Variants in FZD3 observed in about 807,000 individuals in gnomAD.
FZD3 encodes the protein frizzled-3.
In FZD3, 30 loss-of-function variants were observed where a neutral mutation model predicts 60.7. That is an observed-to-expected ratio of 0.49 (90% confidence interval 0.37 to 0.67). FZD3 has a LOEUF of 0.67. Ranked by LOEUF, FZD3 falls within the 30% of genes least tolerant of loss-of-function variation. The probability of loss-of-function intolerance (pLI) is 0.00; values close to 1 mark genes in which losing one functional copy is unlikely to be tolerated. For missense variants in FZD3, 605 were observed against 838.7 expected, an observed-to-expected ratio of 0.72 and a Z score of 3.44; for synonymous variants, 246 against 275.2, an observed-to-expected ratio of 0.89 and a Z score of 1.05.
intron 5 of FZD3, among the ~76,000 whole-genome samples, chr8:28,550,421 G>T (rs1328528980): frequency 8.6e-6 from 1 of 116,146 alleles, no homozygotes; most frequent in African/African-American, 3.3e-5. Flanking sequence ...ACCAACTTTG[G>T]GTTATTAGTT....
At chr8:28,553,856 TA>T (rs1360546324) in intron 6 of FZD3, among the ~76,000 whole-genome samples, 1 of 152,250 alleles carries the variant, frequency 6.6e-6, no homozygotes, top group African/African-American at 2.4e-5. Flanking sequence ...GCACATTTAA[TA>T]CTCAAAGCAC....
At chr8:28,555,714 T>G in intron 6 of FZD3, 24 bp from the exon 7 acceptor site, 1 of 1,332,182 alleles carries the variant, frequency 7.5e-7, no homozygotes, top group Non-Finnish European at 1.1e-6. Flanking sequence ...GTATGTATCT[T>G]AAACTTACTA....
intron 5 of FZD3, among the ~76,000 whole-genome samples, chr8:28,551,360 A>G (rs575055627): frequency 3.4e-4 from 52 of 152,302 alleles, no homozygotes; most frequent in African/African-American, 1.1e-3. Context: ...CTAAAAATAC[A>G]AAAATTACCT....
At chr8:28,557,169 A>G (rs1439770444) in intron 7 of FZD3, among the ~76,000 whole-genome samples, 1 of 150,062 alleles carries the variant, frequency 6.7e-6, no homozygotes, top group East Asian at 2.0e-4. Flanking sequence ...ACATCGTGCC[A>G]CTGCACTCCA....
intron 5 of FZD3, among the ~76,000 whole-genome samples, chr8:28,547,912 G>A (rs1447669190): frequency 1.3e-5 from 2 of 151,488 alleles, no homozygotes; most frequent in African/African-American, 2.4e-5. Context: ...GAGTGCAGTG[G>A]CATGATCTCA....
intron 5 of FZD3, among the ~76,000 whole-genome samples, chr8:28,530,187 G>A (rs183332789): frequency 3.6e-4 from 54 of 148,670 alleles, no homozygotes; most frequent in African/African-American, 1.1e-3. Context: ...TTCAACATAC[G>A]GAAATGAATA....
rs567175734 is a variant in FZD3 at position 28,567,341 on chromosome 8, A to G, written c.*4330A>G. ...GCTAGTTTTTGTATTTTTAGTGGAG[A>G]TGGAGTTTTGCCATGTTGGTCTCAA... is the stretch of plus-strand genomic sequence containing the variant. On this transcript the variant is annotated 3_prime_UTR_variant, in exon 8 of 8. Coordinates refer to ENST00000240093, the MANE Select transcript of FZD3 (RefSeq NM_017412.4). 1 of 152,396 alleles carries G rather than the reference A, an allele frequency of 6.6e-6. No individual in the cohort carries two copies. Among genetic ancestry groups the G allele is most frequent in the South Asian group, 2.1e-4 (1 of 4,822 alleles). The allele number at this position is 152,396 out of a possible 1,614,324, so 9.4% of individuals were successfully genotyped here.
At chr8:28,499,368 A>G (rs1157230527) in intron 1 of FZD3, among the ~76,000 whole-genome samples, 2 of 152,172 alleles carry the variant, frequency 1.3e-5, no homozygotes, top group African/African-American at 2.4e-5. Flanking sequence ...TTTAGTAACT[A>G]TATAATATTC....
intron 5 of FZD3, among the ~76,000 whole-genome samples, chr8:28,528,445 C>T (rs1191380172): frequency 5.3e-5 from 8 of 150,352 alleles, no homozygotes; most frequent in South Asian, 2.1e-4. Flanking sequence ...TGTGCAGTTT[C>T]GTGGGGGAGA....
intron 3 of FZD3, among the ~76,000 whole-genome samples, chr8:28,520,406 A>G (rs1424388058): frequency 6.6e-6 from 1 of 152,080 alleles, no homozygotes; most frequent in Non-Finnish European, 1.5e-5. Flanking sequence ...ATCACCTGTA[A>G]TACCTAAACT....
intron 4 of FZD3, among the ~76,000 whole-genome samples, chr8:28,523,789 A>G (rs569976597): frequency 1.3e-5 from 2 of 152,080 alleles, no homozygotes; most frequent in Non-Finnish European, 2.9e-5. Flanking sequence ...CCCAAAGTTC[A>G]TGTATTGGAA....
At chr8:28,556,359 T>A (rs966754568) in intron 7 of FZD3, among the ~76,000 whole-genome samples, 5 of 152,170 alleles carry the variant, frequency 3.3e-5, no homozygotes, top group Admixed American at 6.5e-5. Flanking sequence ...GATAGTGTAG[T>A]CAGTTTGTGG....
At chr8:28,495,287 C>T (rs1350460217) in intron 1 of FZD3, among the ~76,000 whole-genome samples, 1 of 152,096 alleles carries the variant, frequency 6.6e-6, no homozygotes, top group Non-Finnish European at 1.5e-5. Flanking sequence ...GAAGGAGGTC[C>T]GGCGGTTTGC....
At chr8:28,550,279 A>C (rs1025120735) in intron 5 of FZD3, among the ~76,000 whole-genome samples, 4 of 151,804 alleles carry the variant, frequency 2.6e-5, no homozygotes, top group African/African-American at 9.7e-5. Flanking sequence ...GTCTATTTGC[A>C]TGGAATTGAG....
In FZD3 at chr8:28,565,268, C is replaced by G. The variant is rs1805686891; in HGVS notation, c.*2257C>G. 1 of 152,158 alleles carries G rather than the reference C, an allele frequency of 6.6e-6. No individual in the cohort carries two copies. The highest frequency in any genetic ancestry group is 2.4e-5 in the African/African-American group (1 of 41,442). The allele number at this position is 152,158 out of a possible 1,614,324, so 9.4% of individuals were successfully genotyped here. On this transcript the variant is annotated 3_prime_UTR_variant, in exon 8 of 8. Transcript: ENST00000240093. The stretch of plus-strand genomic sequence containing the variant: ...TTTCTCTGTGTTCATTGCCTTTCTC[C>G]TTGGAGCTGGAGTTAATGCTCAAAG...
chr8:28,519,604 C>T (rs1804519286), intron 3 of FZD3, among the ~76,000 whole-genome samples: 1 of 151,788 alleles, frequency 6.6e-6, no homozygotes, highest in African/African-American at 2.4e-5. Flanking sequence ...GTGGTGCGTG[C>T]CTGTAGTCCC....
At chr8:28,553,180 T>C (rs545927271) in intron 6 of FZD3, among the ~76,000 whole-genome samples, 1 of 152,204 alleles carries the variant, frequency 6.6e-6, no homozygotes, top group Non-Finnish European at 1.5e-5. Context: ...CCTTTAAATA[T>C]AATTTTGTAG....
chr8:28,551,102 AGAT>A (rs1805402143), intron 5 of FZD3, among the ~76,000 whole-genome samples: 1 of 152,244 alleles, frequency 6.6e-6, no homozygotes, highest in African/African-American at 2.4e-5. Context: ...ATAGATAGAT[AGAT>A]ATGGCTCAAT....
chr8:28,527,777 C>G lies in FZD3; in HGVS notation c.1017C>G (p.Pro339=), dbSNP rs17059195. Residue 339 remains proline, a synonymous_variant, in exon 5 of 8, where the codon CCC becomes CCG. Coordinates refer to ENST00000240093, the MANE Select transcript of FZD3 (RefSeq NM_017412.4). The surrounding 1 kb of genome is among the most constrained non-coding windows in gnomAD (Gnocchi z 5.0). ...LLFHASAWGI[P]GTLTIILLAM... is the part of the protein sequence containing the mutation. ...TTCACGCCAGTGCATGGGGCATCCC[C>G]GGAACTCTAACCATCATCCTTTTAG... 1.2e-6 allele frequency: 2 copies of G among 1,614,120 alleles called. No individual in the cohort carries two copies. Among genetic ancestry groups the G allele is most frequent in the South Asian group, 1.1e-5 (1 of 91,072 alleles).
Sources: gnomAD v4.1 joint callset for allele counts (sites outside exome capture counted in the v4.1 genomes callset) on GRCh38, gnomAD v4.1.1 for gene constraint, Gnocchi (gnomAD v3.1) non-coding constraint, MANE v1.5 for transcripts, NCBI Gene and HGNC (gene_info 2026-07-23, HGNC 2026-07-21) for gene names.